MYH9: variants seen among roughly 807,000 people sequenced by gnomAD.
MYH9 encodes the protein myosin heavy chain 9.
A neutral mutation model predicts 241.9 loss-of-function variants in MYH9; 29 were observed. That is an observed-to-expected ratio of 0.12 (90% CI 0.09 to 0.16). The LOEUF (loss-of-function observed/expected upper bound fraction) is 0.16, where lower values mean the gene tolerates loss of function less well. MYH9 is among the 10% of genes least tolerant of loss of function. The pLI, the probability that MYH9 is intolerant of heterozygous loss-of-function variation, is 1.00. For missense variants in MYH9, 1,803 were observed against 2,595.5 expected, an observed-to-expected ratio of 0.69 and a Z score of 6.63; for synonymous variants, 1,047 against 1,062.6, an observed-to-expected ratio of 0.99 and a Z score of 0.29.
intron 1 of MYH9, among the ~76,000 whole-genome samples, chr22:36,356,534 TGGTG>T (rs2017859084): frequency 7.8e-6 from 1 of 127,764 alleles, no homozygotes; most frequent in African/African-American, 3.1e-5. Flanking sequence ...TGAGCTGAGA[TGGTG>T]CCACTGCACT....
intron 1 of MYH9, among the ~76,000 whole-genome samples, chr22:36,354,992 C>CACACACACAA (rs2017833062): frequency 6.6e-6 from 1 of 151,298 alleles, no homozygotes; most frequent in Admixed American, 6.6e-5. Context: ...CACACACACA[C>CACACACACAA]ACACACACAG....
chr22:36,287,431 G>GTT (rs910008930), intron 34 of MYH9, among the ~76,000 whole-genome samples: 6 of 148,802 alleles, frequency 4.0e-5, no homozygotes, highest in African/African-American at 9.8e-5. Context: ...GTTTTTGTGG[G>GTT]TTTTTTTTTT....
At chr22:36,373,805 G>A (rs1178503005) in intron 1 of MYH9, among the ~76,000 whole-genome samples, 2 of 152,166 alleles carry the variant, frequency 1.3e-5, no homozygotes, top group South Asian at 4.1e-4. Context: ...CATGAAAAAT[G>A]GTCCCTCTCC....
At chr22:36,366,814 G>A (rs967698605) in intron 1 of MYH9, among the ~76,000 whole-genome samples, 1 of 152,160 alleles carries the variant, frequency 6.6e-6, no homozygotes, top group Non-Finnish European at 1.5e-5. Context: ...CCACTGTGCT[G>A]GAGCTACAGT....
rs1164937979 is a variant in MYH9, at chr22:36,330,157, C to T, written c.491-2669G>A. On this transcript the variant is annotated intron_variant, in intron 3 of 40. Coordinates refer to ENST00000216181, the MANE Select transcript of MYH9 (RefSeq NM_002473.6). This position sits in a 1 kb window ranked among gnomAD's most constrained non-coding sequence, Gnocchi z 4.5. ...TCCCTAGCTCTCCCACTTCTCCAGC[C>T]TTCCCCGTCCAATTCCTGAAGCCAA... Among the ~76,000 whole-genome samples the T allele has an allele frequency of 6.6e-6, 1 of 152,260 alleles. No homozygotes were observed. The highest frequency in any genetic ancestry group is 1.5e-5 in the Non-Finnish European group (1 of 68,046).
At chr22:36,363,499 A>G (rs935644102) in intron 1 of MYH9, among the ~76,000 whole-genome samples, 2 of 152,164 alleles carry the variant, frequency 1.3e-5, no homozygotes, top group Non-Finnish European at 2.9e-5. Context: ...AGAGGAGGAA[A>G]CAATAGGTTA....
At position 36,285,591 on chromosome 22, in the gene MYH9, G is replaced by C. The variant is rs2016565565; in HGVS notation, c.5274+67C>G. The C allele has an allele frequency of 1.7e-5, 27 of 1,604,818 alleles. No individual in the cohort carries two copies. The highest frequency in any genetic ancestry group is 2.1e-5 in the Non-Finnish European group (25 of 1,178,464). Reference sequence around the variant, plus strand: ...CTTGGCCTGTGCTTCTGCCGGCTGGGTCCAAGGCCAGCTCTGCCGTGGTGG... The same window carrying C: ...CTTGGCCTGTGCTTCTGCCGGCTGGCTCCAAGGCCAGCTCTGCCGTGGTGG... On this transcript the variant is annotated intron_variant, in intron 37 of 40. Coordinates refer to ENST00000216181, the MANE Select transcript of MYH9 (RefSeq NM_002473.6). This position sits in a 1 kb window ranked among gnomAD's most constrained non-coding sequence, Gnocchi z 7.0.
intron 10 of MYH9, 28 bp from the exon 11 acceptor site, chr22:36,318,353 G>A: frequency 6.4e-7 from 1 of 1,550,618 alleles, no homozygotes. Context: ...ATAAGAGAGG[G>A]ACAAAAAGTC....
rs3752465 is a variant in MYH9, at chr22:36,327,343, G to A, written c.518+118C>T. 946 of 1,164,962 alleles carry A rather than the reference G, an allele frequency of 8.1e-4. 4 individuals carry two copies. Among genetic ancestry groups the A allele is most frequent in the Admixed American group, 7.0e-3 (385 of 55,328 alleles). The allele number at this position is 1,164,962 out of a possible 1,614,324, so 72.2% of individuals were successfully genotyped here. ...CTATCCCTTGGAGAAGTGGAGGAGG[G>A]GCCTTGAATTGGGAATGGGGGACTC... On this transcript the variant is annotated intron_variant, in intron 4 of 40. Coordinates refer to ENST00000216181, the MANE Select transcript of MYH9 (RefSeq NM_002473.6).
Position 36,327,454 on chromosome 22 carries a change from T to C in MYH9, c.518+7A>G. 1 of 1,613,966 alleles carries C rather than the reference T, an allele frequency of 6.2e-7. No homozygotes were observed. The highest frequency in any genetic ancestry group is 2.2e-5 in the East Asian group (1 of 44,872). ...ACGAACCACTACCCAGACGGAGAAA[T>C]ACTTACGTGCACAAGATGGATTGAT... On this transcript the variant is annotated splice_region_variant and intron_variant, in intron 4 of 40. Coordinates refer to ENST00000216181, the MANE Select transcript of MYH9 (RefSeq NM_002473.6).
At position 36,296,838 on chromosome 22, in the gene MYH9, C is replaced by T; in HGVS notation, c.3272+5G>A. On this transcript the variant is annotated splice_donor_5th_base_variant and intron_variant, in intron 25 of 40. Coordinates refer to ENST00000216181, the MANE Select transcript of MYH9 (RefSeq NM_002473.6). ...TGGCCTCAGGCGGGCAGGCGGGGTCCTCACCTGGCCAGGGCGGCCTGGAGC... is the reference window on the plus strand; with the variant it reads ...TGGCCTCAGGCGGGCAGGCGGGGTCTTCACCTGGCCAGGGCGGCCTGGAGC... 4 of 1,604,836 alleles carry T rather than the reference C, an allele frequency of 2.5e-6. No homozygotes were observed. Among genetic ancestry groups the T allele is most frequent in the Non-Finnish European group, 3.4e-6 (4 of 1,175,976 alleles).
At position 36,300,610 on chromosome 22, in the gene MYH9, A is replaced by C. The variant is rs2146343305; in HGVS notation, c.2838+241T>G. 6.6e-6 allele frequency among the ~76,000 whole-genome samples: 1 copy of C among 152,330 alleles called. No homozygotes were observed. The highest frequency in any genetic ancestry group is 1.9e-4 in the East Asian group (1 of 5,172). ...CTTCGGCTAGCCAGGGCCAGGGCTA[A>C]TGGCAGGGAAATCAAATTGGCCTTG... is the stretch of plus-strand genomic sequence containing the variant. On this transcript the variant is annotated intron_variant, in intron 22 of 40. Transcript: ENST00000216181. This position sits in a 1 kb window ranked among gnomAD's most constrained non-coding sequence, Gnocchi z 5.0.
chr22:36,336,291 G>C (rs1239368286), intron 3 of MYH9, among the ~76,000 whole-genome samples: 1 of 152,226 alleles, frequency 6.6e-6, no homozygotes, highest in Non-Finnish European at 1.5e-5. Flanking sequence ...TTCTCCTGTA[G>C]AGACATACAC....
chr22:36,298,610 C>A (rs2016824727), intron 24 of MYH9, among the ~76,000 whole-genome samples: 1 of 152,190 alleles, frequency 6.6e-6, no homozygotes, highest in Non-Finnish European at 1.5e-5. Context: ...TAGGAAGTCT[C>A]AGAAGCTTCC....
At chr22:36,358,058 G>A (rs561303524) in intron 1 of MYH9, among the ~76,000 whole-genome samples, 5 of 152,226 alleles carry the variant, frequency 3.3e-5, no homozygotes, top group South Asian at 2.1e-4. Context: ...GCTGGGGGTG[G>A]GAGCTGTTGA....
chr22:36,346,601 C>T (rs1247271567), intron 2 of MYH9, among the ~76,000 whole-genome samples: 1 of 152,042 alleles, frequency 6.6e-6, no homozygotes. Flanking sequence ...CCATAATAAT[C>T]TTTTTTCTTT....
At chr22:36,380,671 G>A (rs2018243486) in intron 1 of MYH9, among the ~76,000 whole-genome samples, 1 of 152,120 alleles carries the variant, frequency 6.6e-6, no homozygotes, top group African/African-American at 2.4e-5. Flanking sequence ...AACCTGGGAG[G>A]TGGAGGTTGC....
chr22:36,320,112 TGGCCTCTAGCAGGCTCCCCA>T lies in MYH9; in HGVS notation c.1012+88_1012+107del. 6.7e-7 allele frequency: 1 copy of T among 1,495,638 alleles called. No individual in the cohort carries two copies. Among genetic ancestry groups the T allele is most frequent in the South Asian group, 1.1e-5 (1 of 87,972 alleles). 92.6% of individuals were successfully genotyped at this position (1,495,638 alleles called of 1,614,324 possible). ...TACACTGAAGGCCTTCCCCTTCCCC[TGGCCTCTAGCAGGCTCCCCA>T]GGCCCATCGGCTACCCTGATGCCCC... On this transcript the variant is annotated intron_variant, in intron 9 of 40. Transcript: ENST00000216181. The surrounding 1 kb of genome is among the most constrained non-coding windows in gnomAD (Gnocchi z 4.8).
intron 1 of MYH9, among the ~76,000 whole-genome samples, chr22:36,382,492 G>T (rs758314800): frequency 2.7e-5 from 4 of 146,468 alleles, no homozygotes; most frequent in Non-Finnish European, 6.0e-5. Flanking sequence ...AAAAAAAAGA[G>T]TGCCTAGGAA....
Sources: allele counts gnomAD v4.1 joint callset (sites outside exome capture counted in the v4.1 genomes callset), GRCh38; gene constraint gnomAD v4.1.1; non-coding constraint Gnocchi (gnomAD v3.1); transcripts MANE v1.5; gene names NCBI Gene and HGNC (gene_info 2026-07-23, HGNC 2026-07-21).